NDUFB7: variants seen among roughly 807,000 people sequenced by gnomAD.
NDUFB7 encodes NADH dehydrogenase [ubiquinone] 1 beta subcomplex subunit 7.
In NDUFB7, 18 loss-of-function variants were observed where a neutral mutation model predicts 14.7. The ratio of observed to expected loss-of-function variants is 1.22; its 90% CI spans 0.85 to 1.81. The LOEUF (loss-of-function observed/expected upper bound fraction) is 1.81. Ranked by LOEUF, NDUFB7 falls within the 40% of genes most tolerant of loss-of-function variation. The pLI is 0.00. For synonymous variants in NDUFB7, 86 were observed against 76.1 expected (o/e 1.13, Z -0.68); for missense variants, 219 against 195.0 (o/e 1.12, Z -0.73).
intron 1 of NDUFB7, 58 bp from the exon 2 acceptor site, chr19:14,566,991 AT>A: frequency 6.6e-7 from 1 of 1,503,766 alleles, no homozygotes; most frequent in South Asian, 1.2e-5. Flanking sequence ...AATTCCGGGG[AT>A]CCCCAGGGGA....
intron 2 of NDUFB7, 129 bp downstream of exon 2, chr19:14,566,636 T>G: frequency 5.5e-6 from 3 of 545,952 alleles, no homozygotes; most frequent in Non-Finnish European, 8.3e-6. Flanking sequence ...CTGTGGGTGT[T>G]GGCGGGGGTG....
chr19:14,566,766 C>T lies in NDUFB7; in HGVS notation c.280G>A (p.Asp94Asn), dbSNP rs996844466. 10 of 1,542,680 alleles carry T rather than the reference C, an allele frequency of 6.5e-6. No homozygotes were observed. The highest frequency in any genetic ancestry group is 3.9e-5 in the Admixed American group (2 of 50,870). The change falls in exon 2 of 3, where the codon GAC becomes AAC. Residue 94 changes from aspartate (D) to asparagine (N), a missense_variant and splice_region_variant. By Grantham distance (23) the Asp-to-Asn change is conservative (BLOSUM62 1). Transcript: ENST00000215565. ...GGGGGCTGGTGTGGGGGTGCTCACT[C>T]GCGGTGCTCGCAGTAGTCCCAGTCG... ...RHDWDYCEHR[D>N]YVMRMKEFER...
chr19:14,567,055 C>T lies in NDUFB7; in HGVS notation c.113-122G>A. 2 of 995,908 alleles carry T rather than the reference C, an allele frequency of 2.0e-6. No homozygotes were observed. Among genetic ancestry groups the T allele is most frequent in the Non-Finnish European group, 2.9e-6 (2 of 688,492 alleles). The allele number at this position is 995,908 out of a possible 1,614,324, so 61.7% of individuals were successfully genotyped here. ...GGCTTGGGGTGTCCCCCATTCACATCCAGATGGCAGTGGATGGCAGATGCC... is the reference window on the plus strand; with the variant it reads ...GGCTTGGGGTGTCCCCCATTCACATTCAGATGGCAGTGGATGGCAGATGCC... On this transcript the variant is annotated intron_variant, in intron 1 of 2. Coordinates refer to ENST00000215565, the MANE Select transcript of NDUFB7 (RefSeq NM_004146.6). This position sits in a 1 kb window ranked among gnomAD's most constrained non-coding sequence, Gnocchi z 5.1.
chr19:14,570,821 A>T (rs1295464229), intron 1 of NDUFB7, among the ~76,000 whole-genome samples: 1 of 152,146 alleles, frequency 6.6e-6, no homozygotes, highest in African/African-American at 2.4e-5. Context: ...GGTGCTCGGT[A>T]TGCCTGTGAT....
At chr19:14,570,127 C>T (rs1039556524) in intron 1 of NDUFB7, among the ~76,000 whole-genome samples, 2 of 152,026 alleles carry the variant, frequency 1.3e-5, no homozygotes, top group Non-Finnish European at 2.9e-5. Context: ...AAACTCCTGA[C>T]CTCAGGTGAT....
rs2146642030 is a variant in NDUFB7, at chr19:14,567,493, G to C, written c.113-560C>G. On this transcript the variant is annotated intron_variant, in intron 1 of 2. Transcript: ENST00000215565. The surrounding 1 kb of genome is among the most constrained non-coding windows in gnomAD (Gnocchi z 5.1). ...CTAACAGTACCTGTAAGGTACTTAG[G>C]CGTGGGCTCAGAAGACAGCTGGACT... Among the ~76,000 whole-genome samples the C allele has an allele frequency of 6.6e-6, 1 of 152,228 alleles. No individual in the cohort carries two copies. Among genetic ancestry groups the C allele is most frequent in the African/African-American group, 2.4e-5 (1 of 41,538 alleles).
At chr19:14,571,654 C>A (rs1252667039) in intron 1 of NDUFB7, among the ~76,000 whole-genome samples, 2 of 152,172 alleles carry the variant, frequency 1.3e-5, no homozygotes, top group Admixed American at 1.3e-4. Context: ...CTGCCCGAAC[C>A]CCCACTTGTC....
chr19:14,566,708 C>A, intron 2 of NDUFB7, 57 bp downstream of exon 2: 1 of 1,296,110 alleles, frequency 7.7e-7, no homozygotes, highest in Non-Finnish European at 9.9e-7. Context: ...GTGTGGAAGG[C>A]TGGGGGTATG....
chr19:14,568,597 C>G (rs1443567571), intron 1 of NDUFB7, among the ~76,000 whole-genome samples: 1 of 152,082 alleles, frequency 6.6e-6, no homozygotes, highest in Admixed American at 6.5e-5. Context: ...CAACACAACA[C>G]ACAAGTGTCC....
chr19:14,571,923 C>T lies in NDUFB7; in HGVS notation c.78G>A (p.Pro26=), dbSNP rs764883989. 6.2e-7 allele frequency: 1 copy of T among 1,612,036 alleles called. No individual in the cohort carries two copies. Among genetic ancestry groups the T allele is most frequent in the Admixed American group, 1.7e-5 (1 of 59,768 alleles). ...EPDPLQMPTF[P]PDYGFPERKE... Reference sequence around the variant, plus strand: ...TGCGTTCGGGGAAGCCGTAGTCTGGCGGGAAGGTTGGCATCTGCAGGGGGT... The same window carrying T: ...TGCGTTCGGGGAAGCCGTAGTCTGGTGGGAAGGTTGGCATCTGCAGGGGGT... Residue 26 remains proline (P), a synonymous_variant, in exon 1 of 3, where the codon CCG becomes CCA. Coordinates refer to ENST00000215565, the MANE Select transcript of NDUFB7 (RefSeq NM_004146.6).
At chr19:14,569,788 C>T (rs1444945045) in intron 1 of NDUFB7, among the ~76,000 whole-genome samples, 3 of 152,294 alleles carry the variant, frequency 2.0e-5, no homozygotes, top group East Asian at 3.9e-4. Flanking sequence ...GACAGTGTGA[C>T]CTTTTGACCA....
In NDUFB7 at chr19:14,571,980, C is replaced by G; in HGVS notation, c.21G>C (p.Arg7=). ...CCACCGAGGCATCGCCCAGGTAGCGCCGGACCAGGTGGGCCCCCATGGCTG... is the reference window on the plus strand; with the variant it reads ...CCACCGAGGCATCGCCCAGGTAGCGGCGGACCAGGTGGGCCCCCATGGCTG... MGAHLV[R]RYLGDASVEP... The change falls in exon 1 of 3, where the codon CGG becomes CGC. Residue 7 remains arginine (R), a synonymous_variant. Transcript: ENST00000215565. 1 of 1,606,862 alleles carries G rather than the reference C, an allele frequency of 6.2e-7. No homozygotes were observed. The highest frequency in any genetic ancestry group is 8.5e-7 in the Non-Finnish European group (1 of 1,177,246).
At chr19:14,566,698 G>A in intron 2 of NDUFB7, 67 bp downstream of exon 2, 5 of 1,417,846 alleles carry the variant, frequency 3.5e-6, no homozygotes, top group African/African-American at 1.5e-5. Flanking sequence ...TGGGCCAGGG[G>A]TGTGGAAGGC....
chr19:14,571,028 C>T (rs182602089), intron 1 of NDUFB7, among the ~76,000 whole-genome samples: 355 of 151,896 alleles, frequency 2.3e-3, no homozygotes, highest in African/African-American at 8.1e-3. Context: ...CATCCTGGGG[C>T]GCTCCTGTAG....
In NDUFB7 at chr19:14,566,136, C is replaced by T. The variant is rs1408996874; in HGVS notation, c.411G>A (p.Leu137=). The T allele has an allele frequency of 1.9e-6, 3 of 1,610,172 alleles. No homozygotes were observed. The highest frequency in any genetic ancestry group is 1.3e-5 in the African/African-American group (1 of 75,006). ...CATAGGGTGGGGGGTGCACCCCCTACAGGGCCACCTTGGGGTCCACTTCCC... is the reference window on the plus strand; with the variant it reads ...CATAGGGTGGGGGGTGCACCCCCTATAGGGCCACCTTGGGGTCCACTTCCC... ...GPGEVDPKVA[L] is the part of the protein sequence containing the mutation. Residue 137 remains leucine, a synonymous_variant, in exon 3 of 3, where the codon CTG becomes CTA. Coordinates refer to ENST00000215565, the MANE Select transcript of NDUFB7 (RefSeq NM_004146.6).
chr19:14,569,097 C>T (rs1047498193), intron 1 of NDUFB7, among the ~76,000 whole-genome samples: 5 of 152,010 alleles, frequency 3.3e-5, no homozygotes, highest in African/African-American at 1.2e-4. Flanking sequence ...ATCGCTTGAA[C>T]CGGGAAGGCA....
Position 14,567,591 on chromosome 19 carries a change from G to T in NDUFB7, c.113-658C>A, listed in dbSNP as rs1033914354. ...ACAAATCAACCTTCAGGAGGGGGCC[G>T]ATGGGAGCATGAGGAATCCTGGACA... is the stretch of plus-strand genomic sequence containing the variant. On this transcript the variant is annotated intron_variant, in intron 1 of 2. Transcript: ENST00000215565. This position sits in a 1 kb window ranked among gnomAD's most constrained non-coding sequence, Gnocchi z 5.1. Among the ~76,000 whole-genome samples the T allele has an allele frequency of 3.9e-5, 6 of 151,980 alleles. No homozygotes were observed. Among genetic ancestry groups the T allele is most frequent in the African/African-American group, 1.5e-4 (6 of 41,366 alleles).
At position 14,566,873 on chromosome 19, in the gene NDUFB7, T is replaced by C; in HGVS notation, c.173A>G (p.Tyr58Cys). 15 of 1,577,036 alleles carry C rather than the reference T, an allele frequency of 9.5e-6. No homozygotes were observed. The highest frequency in any genetic ancestry group is 1.2e-5 in the Non-Finnish European group (14 of 1,164,210). Residue 58 changes from tyrosine (Y) to cysteine (C), a missense_variant, in exon 2 of 3, where the codon TAC becomes TGC. Coordinates refer to ENST00000215565, the MANE Select transcript of NDUFB7 (RefSeq NM_004146.6). Reference sequence around the variant, plus strand: ...CAGCCGGATGAGGTGGTGGGCGCAGTAGTCCCGCAGCTGGAGCCTCAGCTG... The same window carrying C: ...CAGCCGGATGAGGTGGTGGGCGCAGCAGTCCCGCAGCTGGAGCCTCAGCTG... ...DAQLRLQLRDYCAHHLIRLLK... is the reference protein window; with the variant it reads ...DAQLRLQLRDCCAHHLIRLLK...
intron 1 of NDUFB7, 113 bp downstream of exon 1, chr19:14,571,776 C>T: frequency 9.9e-7 from 1 of 1,011,086 alleles, no homozygotes; most frequent in Admixed American, 2.1e-5. Context: ...GACCCAAACC[C>T]AGATACAACA....
Sources: gnomAD v4.1 joint callset for allele counts (sites outside exome capture counted in the v4.1 genomes callset) on GRCh38, gnomAD v4.1.1 for gene constraint, Gnocchi (gnomAD v3.1) non-coding constraint, MANE v1.5 for transcripts, NCBI Gene and HGNC (gene_info 2026-07-23, HGNC 2026-07-21) for gene names.